ST8SIA5: variants seen among roughly 807,000 people sequenced by gnomAD.
ST8SIA5 encodes alpha-2,8-sialyltransferase 8E.
ST8SIA5 carries 24 observed loss-of-function variants against 40.2 expected under a neutral mutation model. The ratio of observed to expected loss-of-function variants is 0.60; its 90% CI spans 0.43 to 0.84. The LOEUF (loss-of-function observed/expected upper bound fraction) is 0.84. Ranked by LOEUF, ST8SIA5 falls within the 40% of genes least tolerant of loss-of-function variation. The pLI is 0.00. For missense variants in ST8SIA5, 465 were observed against 498.5 expected (o/e 0.93, Z 0.64); for synonymous variants, 198 against 201.8 (o/e 0.98, Z 0.16).
intron 1 of ST8SIA5, among the ~76,000 whole-genome samples, chr18:46,723,571 T>G (rs548002906): frequency 1.3e-5 from 2 of 151,530 alleles, no homozygotes; most frequent in African/African-American, 4.9e-5. Flanking sequence ...AATGAATGGA[T>G]AGATGAATGA....
At chr18:46,735,493 T>G (rs1466974753) in intron 1 of ST8SIA5, among the ~76,000 whole-genome samples, 1 of 152,218 alleles carries the variant, frequency 6.6e-6, no homozygotes, top group Non-Finnish European at 1.5e-5. Flanking sequence ...ATTCATGTAA[T>G]AAAATTGCTT....
At chr18:46,710,293 G>C (rs1288902571) in intron 1 of ST8SIA5, among the ~76,000 whole-genome samples, 3 of 151,426 alleles carry the variant, frequency 2.0e-5, no homozygotes, top group Non-Finnish European at 4.4e-5. Flanking sequence ...TCCCTGCCCA[G>C]ACTGGGCTCC....
intron 5 of ST8SIA5, 174 bp downstream of exon 5, chr18:46,686,000 G>A (rs116993439): frequency 0.032 from 20,179 of 635,178 alleles, 410 homozygotes; most frequent in Non-Finnish European, 0.042. Context: ...GGAGTTCAAC[G>A]ACTTCCCCAA....
chr18:46,700,569 A>G (rs1367341169), intron 2 of ST8SIA5, among the ~76,000 whole-genome samples: 1 of 152,118 alleles, frequency 6.6e-6, no homozygotes, highest in Non-Finnish European at 1.5e-5. Context: ...GGACTCAGGA[A>G]AGGAGGCACA....
At chr18:46,687,064 G>A (rs2039455737) in intron 4 of ST8SIA5, among the ~76,000 whole-genome samples, 1 of 152,196 alleles carries the variant, frequency 6.6e-6, no homozygotes. Flanking sequence ...ATGTCACATT[G>A]CTTTAATTCA....
intron 1 of ST8SIA5, among the ~76,000 whole-genome samples, chr18:46,736,523 C>A (rs1226241006): frequency 6.6e-6 from 1 of 152,082 alleles, no homozygotes; most frequent in Non-Finnish European, 1.5e-5. Context: ...AAAAACCCAG[C>A]CTAACATGGA....
chr18:46,718,340 A>AAG (rs1046415149), intron 1 of ST8SIA5, among the ~76,000 whole-genome samples: 1 of 151,660 alleles, frequency 6.6e-6, no homozygotes, highest in African/African-American at 2.4e-5. Context: ...AAAAAAAAAA[A>AAG]AAAAAGAAAA....
At chr18:46,723,502 A>G (rs1222401194) in intron 1 of ST8SIA5, among the ~76,000 whole-genome samples, 2 of 151,524 alleles carry the variant, frequency 1.3e-5, no homozygotes, top group Non-Finnish European at 2.9e-5. Context: ...AAGTAAGCCG[A>G]GATCACACTA....
At position 46,676,312 on chromosome 18, in the gene ST8SIA5, A is replaced by G. The variant is rs759542183; in HGVS notation, c.*3730T>C. The G allele has an allele frequency of 5.3e-5, 8 of 152,246 alleles. No homozygotes were observed. The highest frequency in any genetic ancestry group is 1.2e-4 in the Non-Finnish European group (8 of 68,062). The allele number at this position is 152,246 out of a possible 1,614,324, so 9.4% of individuals were successfully genotyped here. A position where few individuals can be genotyped will look rare whatever the true frequency, so the allele number is the denominator to read the frequency against. On this transcript the variant is annotated 3_prime_UTR_variant, in exon 7 of 7. Transcript: ENST00000315087. ...GATTCGTCATTTAACGTCTGTATAC[A>G]CACACACCAGACCACAAACTCCCGG... is the stretch of plus-strand genomic sequence containing the variant.
chr18:46,699,605 T>A (rs2039591086), intron 2 of ST8SIA5, among the ~76,000 whole-genome samples: 1 of 152,154 alleles, frequency 6.6e-6, no homozygotes, highest in South Asian at 2.1e-4. Flanking sequence ...GGTCTCGATC[T>A]CCTGACCTCG....
chr18:46,721,361 C>T, intron 1 of ST8SIA5: 1 of 1,536,082 alleles, frequency 6.5e-7, no homozygotes, highest in East Asian at 2.4e-5. Context: ...GGGGTCTGTA[C>T]CTGGAGCTGG....
intron 1 of ST8SIA5, among the ~76,000 whole-genome samples, chr18:46,739,759 G>A (rs1457164109): frequency 2.0e-5 from 3 of 152,184 alleles, no homozygotes; most frequent in Non-Finnish European, 4.4e-5. Context: ...CCTGTTGGGG[G>A]TGCCATGAGC....
At chr18:46,725,971 AAAT>A (rs1192864566) in intron 1 of ST8SIA5, among the ~76,000 whole-genome samples, 19 of 42,700 alleles carry the variant, frequency 4.4e-4, no homozygotes, top group African/African-American at 1.6e-3. Flanking sequence ...AAAAAAAAAA[AAAT>A]ATATATATAT....
At chr18:46,755,581 G>C (rs569144763) in intron 1 of ST8SIA5, among the ~76,000 whole-genome samples, 3 of 152,238 alleles carry the variant, frequency 2.0e-5, no homozygotes, top group African/African-American at 7.2e-5. Context: ...GAAGTGGCTG[G>C]CATTTCAGTG....
chr18:46,750,709 C>T (rs1228450099), intron 1 of ST8SIA5, among the ~76,000 whole-genome samples: 1 of 152,178 alleles, frequency 6.6e-6, no homozygotes, highest in East Asian at 1.9e-4. Context: ...ACCTCCCTCT[C>T]CTCATTCCCC....
At chr18:46,704,319 T>G (rs1237771167) in intron 2 of ST8SIA5, among the ~76,000 whole-genome samples, 2 of 152,166 alleles carry the variant, frequency 1.3e-5, no homozygotes, top group Admixed American at 6.5e-5. Context: ...GGCGGGGACT[T>G]TAACACCGAG....
intron 1 of ST8SIA5, 54 bp from the exon 2 acceptor site, chr18:46,704,718 C>T (rs1034629724): frequency 6.3e-6 from 9 of 1,425,720 alleles, no homozygotes; most frequent in Non-Finnish European, 8.9e-6. Context: ...ATGTCCAGGG[C>T]CTGCAGGGGC....
intron 5 of ST8SIA5, 56 bp downstream of exon 5, chr18:46,686,118 A>C: frequency 6.5e-7 from 1 of 1,544,288 alleles, no homozygotes; most frequent in South Asian, 1.1e-5. Context: ...CGGGGGAAGA[A>C]TATGGAGGAG....
At chr18:46,710,533 T>C (rs1007630925) in intron 1 of ST8SIA5, among the ~76,000 whole-genome samples, 1 of 148,556 alleles carries the variant, frequency 6.7e-6, no homozygotes, top group Admixed American at 6.7e-5. Context: ...TTTCTTCCTT[T>C]CTTTCTTTCT....
Sources: allele counts gnomAD v4.1 joint callset (sites outside exome capture counted in the v4.1 genomes callset), GRCh38; gene constraint gnomAD v4.1.1; transcripts MANE v1.5; gene names NCBI Gene and HGNC (gene_info 2026-07-23, HGNC 2026-07-21).